Variants in TLN2 observed in about 807,000 individuals in gnomAD.
TLN2 encodes talin 2, also known as talin-2.
In TLN2, 118 loss-of-function variants were observed where a neutral mutation model predicts 294.7. The ratio of observed to expected loss-of-function variants is 0.40; its 90% CI spans 0.34 to 0.47. The LOEUF (loss-of-function observed/expected upper bound fraction) is 0.47. TLN2 is among the 20% of genes least tolerant of loss of function. The pLI is 0.84. For missense variants in TLN2, 3,083 were observed against 3,282.2 expected (o/e 0.94, Z 1.48); for synonymous variants, 1,431 against 1,304.5 (o/e 1.10, Z -2.09).
chr15:62,532,162 G>A (rs765399669), intron 1 of TLN2, among the ~76,000 whole-genome samples: 3 of 151,532 alleles, frequency 2.0e-5, no homozygotes, highest in East Asian at 3.9e-4. Context: ...CAATCCTCCC[G>A]TCTTGGCCCC....
At chr15:62,430,877 T>G (rs549824533) in intron 1 of TLN2, among the ~76,000 whole-genome samples, 13 of 150,158 alleles carry the variant, frequency 8.7e-5, no homozygotes, top group African/African-American at 3.2e-4. Context: ...ATCAATTTGG[T>G]CTAGAAGTCT....
At position 62,750,427 on chromosome 15, in the gene TLN2, C is replaced by G. The variant is rs375428767; in HGVS notation, c.4145C>G (p.Pro1382Arg). 20 of 1,614,082 alleles carry G rather than the reference C, an allele frequency of 1.2e-5. No homozygotes were observed. Among genetic ancestry groups the G allele is most frequent in the Non-Finnish European group, 1.7e-5 (20 of 1,180,032 alleles). Residue 1382 changes from proline (P) to arginine (R), a missense_variant, in exon 34 of 59, where the codon CCT becomes CGT. Physicochemically the swap from Pro to Arg is moderately radical, Grantham distance 103. Coordinates refer to ENST00000636159, the MANE Select transcript of TLN2 (RefSeq NM_015059.3). The part of the protein sequence containing the change: ...LETVKGMLDN[P>R]NEPVSDLSYF... Reference sequence around the variant, plus strand: ...ACTGTGAAGGGGATGTTGGACAATCCTAATGAACCTGTTAGTGACCTCTCT... The same window carrying G: ...ACTGTGAAGGGGATGTTGGACAATCGTAATGAACCTGTTAGTGACCTCTCT...
rs140514853 is a variant in TLN2 at position 62,477,628 on chromosome 15, G to T, written c.-238+86943G>T. ...TGGAATCCTATGGGCTCTCTCTGTAGGGTGTGTTCTGTATAAGTCAGCATT... is the reference window on the plus strand; with the variant it reads ...TGGAATCCTATGGGCTCTCTCTGTATGGTGTGTTCTGTATAAGTCAGCATT... On this transcript the variant is annotated intron_variant, in intron 1 of 58. Coordinates refer to ENST00000636159, the MANE Select transcript of TLN2 (RefSeq NM_015059.3). 3.3e-5 allele frequency among the ~76,000 whole-genome samples: 5 copies of T among 152,220 alleles called. No homozygotes were observed. In the East Asian group the frequency reaches 7.7e-4, roughly 23 times the overall value.
At chr15:62,662,862 CG>C (rs1467340242) in intron 9 of TLN2, among the ~76,000 whole-genome samples, 1 of 102,994 alleles carries the variant, frequency 9.7e-6, no homozygotes, top group African/African-American at 3.5e-5. Flanking sequence ...CTTGCTCTGT[CG>C]CCCAGGCTGG....
At chr15:62,797,076 G>A (rs1225907120) in intron 47 of TLN2, 143 bp from the exon 48 acceptor site, 8 of 825,432 alleles carry the variant, frequency 9.7e-6, no homozygotes, top group African/African-American at 1.7e-5. Flanking sequence ...AGAGTCCGTT[G>A]GTAAAGGGAG....
chr15:62,403,942 A>G (rs1286754025), intron 1 of TLN2, among the ~76,000 whole-genome samples: 1 of 152,232 alleles, frequency 6.6e-6, no homozygotes, highest in Non-Finnish European at 1.5e-5. Context: ...AAGCTCCAGA[A>G]GAGAAATCAT....
In TLN2 at chr15:62,716,346, C is replaced by G; in HGVS notation, c.2650C>G (p.Pro884Ala). The G allele has an allele frequency of 6.2e-7, 1 of 1,605,398 alleles. No homozygotes were observed. The highest frequency in any genetic ancestry group is 8.5e-7 in the Non-Finnish European group (1 of 1,176,620). Residue 884 changes from proline to alanine, a missense_variant, in exon 23 of 59, where the codon CCA becomes GCA. Pro to Ala is a conservative substitution (Grantham distance 27). Coordinates refer to ENST00000636159, the MANE Select transcript of TLN2 (RefSeq NM_015059.3). ...GCCTTTGCAGGGGGCTGCAGCCAAC[C>G]CAGAGAATGAGGACCAGCAGCAAAG... ...VEAAKGAAANPENEDQQQRLR... is the reference protein window; with the variant it reads ...VEAAKGAAANAENEDQQQRLR...
At chr15:62,763,402 G>A (rs2062798838) in intron 39 of TLN2, 161 bp from the exon 40 acceptor site, 3 of 743,564 alleles carry the variant, frequency 4.0e-6, no homozygotes, top group Admixed American at 3.1e-5. Flanking sequence ...TGCATGGGCT[G>A]TGCAGTGAGA....
intron 1 of TLN2, among the ~76,000 whole-genome samples, chr15:62,581,229 T>A (rs1009619273): frequency 6.6e-5 from 10 of 152,182 alleles, no homozygotes; most frequent in Admixed American, 6.5e-4. Context: ...TTCCAGAATG[T>A]CATCGAGTTG....
At chr15:62,405,623 G>A (rs1477050593) in intron 1 of TLN2, among the ~76,000 whole-genome samples, 1 of 152,198 alleles carries the variant, frequency 6.6e-6, no homozygotes, top group African/African-American at 2.4e-5. Context: ...TCACCTCTCT[G>A]AGGGCTTTTA....
chr15:62,640,071 C>T (rs529766237), intron 3 of TLN2: 1 of 438,836 alleles, frequency 2.3e-6, no homozygotes, highest in Non-Finnish European at 4.6e-6. Context: ...CCCAGACTGT[C>T]CTGCCGAGCG....
chr15:62,800,714 C>G lies in TLN2; in HGVS notation c.6422C>G (p.Thr2141Ser), dbSNP rs779977190. ...GTAAAGGCAGTGGAGGATGAGGCCA[C>G]CCGGGGCACCAGGGCGCTTGAGGCC... ...KTVKAVEDEA[T>S]RGTRALEATI... Residue 2141 changes from threonine to serine, a missense_variant, in exon 50 of 59, where the codon ACC (threonine) becomes AGC (serine). Physicochemically the swap from Thr to Ser is moderately conservative, Grantham distance 58 (BLOSUM62 1). Transcript: ENST00000636159. 8 of 1,614,014 alleles carry G rather than the reference C, an allele frequency of 5.0e-6. No individual in the cohort carries two copies. The highest frequency in any genetic ancestry group is 6.8e-6 in the Non-Finnish European group (8 of 1,179,974).
At chr15:62,737,748 C>T (rs2061104630) in intron 29 of TLN2, among the ~76,000 whole-genome samples, 1 of 152,198 alleles carries the variant, frequency 6.6e-6, no homozygotes, top group South Asian at 2.1e-4. Context: ...GAGGATGGCC[C>T]CATGAGTCAC....
Position 62,552,413 on chromosome 15 carries a change from T to C in TLN2, c.-237-37274T>C, listed in dbSNP as rs141109791. On this transcript the variant is annotated intron_variant, in intron 1 of 58. Transcript: ENST00000636159. ...GGCATTGCTGTCATTCATTGACTTA[T>C]GAAGCATGAAAAATTTGAGTTGATC... Among the ~76,000 whole-genome samples the C allele has an allele frequency of 2.1e-3, 324 of 152,362 alleles. 4 individuals carry two copies. The highest frequency in any genetic ancestry group is 7.4e-3 in the African/African-American group (307 of 41,590).
intron 1 of TLN2, among the ~76,000 whole-genome samples, chr15:62,549,598 CAA>C (rs763297543): frequency 6.6e-6 from 1 of 152,294 alleles, no homozygotes. Flanking sequence ...GGTCCCTACT[CAA>C]GAGCTCCAGT....
intron 45 of TLN2, among the ~76,000 whole-genome samples, chr15:62,789,901 C>A (rs907134586): frequency 6.6e-6 from 1 of 152,204 alleles, no homozygotes; most frequent in African/African-American, 2.4e-5. Flanking sequence ...TTGCTGTCAA[C>A]CTTTCACTCA....
chr15:62,490,610 T>G (rs1264782555), intron 1 of TLN2, among the ~76,000 whole-genome samples: 5 of 152,176 alleles, frequency 3.3e-5, no homozygotes, highest in Non-Finnish European at 7.4e-5. Flanking sequence ...TACACCTTGG[T>G]ATTAGCAGGA....
chr15:62,398,803 A>C (rs527815075), intron 1 of TLN2, among the ~76,000 whole-genome samples: 65 of 152,202 alleles, frequency 4.3e-4, no homozygotes, highest in Non-Finnish European at 7.2e-4. Context: ...GAGGTGACAG[A>C]GCATAAAAGT....
At chr15:62,524,524 T>G (rs896707583) in intron 1 of TLN2, among the ~76,000 whole-genome samples, 9 of 152,314 alleles carry the variant, frequency 5.9e-5, no homozygotes, top group African/African-American at 1.9e-4. Flanking sequence ...GTTTCTCCTT[T>G]CTGAACCTTG....
Sources: gnomAD v4.1 joint callset for allele counts (sites outside exome capture counted in the v4.1 genomes callset) on GRCh38, gnomAD v4.1.1 for gene constraint, MANE v1.5 for transcripts, NCBI Gene and HGNC (gene_info 2026-07-23, HGNC 2026-07-21) for gene names.